RABGEF1: variants seen among roughly 807,000 people sequenced by gnomAD.
RABGEF1 encodes rab5 GDP/GTP exchange factor.
In RABGEF1, 26 loss-of-function variants were observed where a neutral mutation model predicts 57.3. The ratio of observed to expected loss-of-function variants is 0.45; its 90% CI spans 0.33 to 0.63. The LOEUF (loss-of-function observed/expected upper bound fraction) is 0.63, where lower values mean the gene tolerates loss of function less well. Ranked by LOEUF, RABGEF1 falls within the 20% of genes least tolerant of loss-of-function variation. The pLI, the probability that RABGEF1 is intolerant of heterozygous loss-of-function variation, is 0.02. For synonymous variants in RABGEF1, 185 were observed against 210.7 expected, an observed-to-expected ratio of 0.88 and a Z score of 1.06; for missense variants, 464 against 607.6, an observed-to-expected ratio of 0.76 and a Z score of 2.48.
At chr7:66,755,435 C>A (rs1444923666) in intron 1 of RABGEF1, among the ~76,000 whole-genome samples, 1 of 152,014 alleles carries the variant, frequency 6.6e-6, no homozygotes, top group East Asian at 1.9e-4. Context: ...GTGATCATGC[C>A]ACTGCACTCT....
intron 1 of RABGEF1, among the ~76,000 whole-genome samples, chr7:66,767,588 A>G (rs1806060148): frequency 6.6e-6 from 1 of 152,162 alleles, no homozygotes; most frequent in African/African-American, 2.4e-5. Context: ...CTAAACCACA[A>G]GGTGTTGCTA....
the RABGEF1 span, among the ~76,000 whole-genome samples, chr7:66,657,748 G>A: frequency 2.6e-5 from 4 of 152,182 alleles, no homozygotes; most frequent in Non-Finnish European, 5.9e-5. Context: ...TTGAACCTGG[G>A]AGAGGGAGGT....
intron 4 of RABGEF1, among the ~76,000 whole-genome samples, chr7:66,787,904 T>C (rs531801536): frequency 6.6e-6 from 1 of 152,236 alleles, no homozygotes; most frequent in Non-Finnish European, 1.5e-5. Context: ...CTGTAAATTA[T>C]TTATATGAAA....
chr7:66,699,525 T>C (rs1792892651), intron 1 of RABGEF1, among the ~76,000 whole-genome samples: 1 of 152,142 alleles, frequency 6.6e-6, no homozygotes, highest in Admixed American at 6.6e-5. Context: ...ACCCCGTCTC[T>C]ACTAAAAATA....
chr7:66,778,213 CTG>C (rs1448917347), intron 3 of RABGEF1, among the ~76,000 whole-genome samples: 1 of 152,178 alleles, frequency 6.6e-6, no homozygotes, highest in African/African-American at 2.4e-5. Context: ...GATACCCTTG[CTG>C]TTGGTGTTTT....
chr7:66,785,157 A>G (rs1584091364), intron 4 of RABGEF1, among the ~76,000 whole-genome samples: 3 of 152,376 alleles, frequency 2.0e-5, no homozygotes, highest in African/African-American at 7.2e-5. Flanking sequence ...GTAGACTTCT[A>G]AATGAGTATA....
chr7:66,751,349 T>C (rs1381159786), intron 1 of RABGEF1, among the ~76,000 whole-genome samples: 1 of 152,186 alleles, frequency 6.6e-6, no homozygotes, highest in Admixed American at 6.5e-5. Context: ...TTTTTTCTGT[T>C]TTTAAAAACA....
In RABGEF1 at chr7:66,795,620, C is replaced by T. The variant is rs760419160; in HGVS notation, c.595+28C>T. 102 of 1,549,874 alleles carry T rather than the reference C, an allele frequency of 6.6e-5. 1 individual carries two copies. The Middle Eastern group carries it at 3.0e-3, about 46-fold the overall frequency. ...AACACTGTTAGCCATTGAGAGATTG[C>T]GGGTATTGCACAGGGATGACTGCTC... On this transcript the variant is annotated intron_variant, in intron 5 of 8. Coordinates refer to ENST00000284957, the MANE Select transcript of RABGEF1 (RefSeq NM_014504.3).
intron 1 of RABGEF1, among the ~76,000 whole-genome samples, chr7:66,746,679 G>T (rs1407388063): frequency 7.0e-6 from 1 of 142,168 alleles, no homozygotes; most frequent in African/African-American, 2.7e-5. Flanking sequence ...GCTGGAGTGT[G>T]GTGGCACGAT....
chr7:66,782,922 C>G (rs1041765581), intron 3 of RABGEF1, among the ~76,000 whole-genome samples: 9 of 152,066 alleles, frequency 5.9e-5, no homozygotes, highest in Non-Finnish European at 1.2e-4. Flanking sequence ...GGTCAAAGAC[C>G]AAGTGGTAGT....
intron 3 of RABGEF1, among the ~76,000 whole-genome samples, chr7:66,776,377 C>T (rs1808538112): frequency 6.6e-6 from 1 of 152,102 alleles, no homozygotes; most frequent in African/African-American, 2.4e-5. Flanking sequence ...TGCTCATAAC[C>T]AAAAACACAC....
At chr7:66,791,007 T>TA (rs1812531056) in intron 4 of RABGEF1, among the ~76,000 whole-genome samples, 1 of 152,228 alleles carries the variant, frequency 6.6e-6, no homozygotes, top group Non-Finnish European at 1.5e-5. Context: ...ACTTGTAACA[T>TA]GGGAGTTACT....
At chr7:66,743,163 C>T (rs1799399700) in intron 1 of RABGEF1, among the ~76,000 whole-genome samples, 1 of 152,008 alleles carries the variant, frequency 6.6e-6, no homozygotes, top group African/African-American at 2.4e-5. Context: ...CTAAAATTAG[C>T]TTGGTGTGAT....
At chr7:66,710,303 GT>G (rs1794626933) in intron 1 of RABGEF1, among the ~76,000 whole-genome samples, 1 of 152,146 alleles carries the variant, frequency 6.6e-6, no homozygotes, top group Non-Finnish European at 1.5e-5. Context: ...CATTTAGGTT[GT>G]TTTTTAGCGT....
At chr7:66,679,098 T>G (rs988384774), upstream of RABGEF1, among the ~76,000 whole-genome samples, 3 of 152,202 alleles carry the variant, frequency 2.0e-5, no homozygotes, top group Non-Finnish European at 4.4e-5. Context: ...GGCTTTTGCT[T>G]TGCCTTTTGA....
intron 6 of RABGEF1, 140 bp from the exon 7 acceptor site, chr7:66,799,183 G>A (rs1436189101): frequency 3.4e-6 from 2 of 596,854 alleles, no homozygotes; most frequent in Non-Finnish European, 6.0e-6. Context: ...AGAGCTCGTA[G>A]TACTTGCAGG....
intron 1 of RABGEF1, chr7:66,756,051 G>C (rs1802633425): frequency 6.7e-7 from 1 of 1,503,248 alleles, no homozygotes; most frequent in Middle Eastern, 2.1e-4. Context: ...TCTTTTATTA[G>C]AATGATGGCG....
chr7:66,745,029 A>T (rs1326151341), intron 1 of RABGEF1, among the ~76,000 whole-genome samples: 1 of 151,952 alleles, frequency 6.6e-6, no homozygotes, highest in African/African-American at 2.4e-5. Flanking sequence ...CATCTCTAAT[A>T]AAAATACAAA....
At chr7:66,765,634 A>G (rs554414845) in intron 1 of RABGEF1, among the ~76,000 whole-genome samples, 105 of 152,276 alleles carry the variant, frequency 6.9e-4, no homozygotes, top group African/African-American at 2.4e-3. Flanking sequence ...GGGTATGTCT[A>G]TTTCATTCTG....
Sources: gnomAD v4.1 joint callset for allele counts (sites outside exome capture counted in the v4.1 genomes callset) on GRCh38, gnomAD v4.1.1 for gene constraint, MANE v1.5 for transcripts, NCBI Gene and HGNC (gene_info 2026-07-23, HGNC 2026-07-21) for gene names.